Variants in TRPC3 observed in about 807,000 individuals in gnomAD.
The protein encoded by TRPC3 is transient receptor potential cation channel subfamily C member 3.
In TRPC3, 54 loss-of-function variants were observed where a neutral mutation model predicts 90.9. The ratio of observed to expected loss-of-function variants is 0.59; its 90% CI spans 0.48 to 0.75. The LOEUF (loss-of-function observed/expected upper bound fraction) is 0.75. Ranked by LOEUF, TRPC3 falls within the 30% of genes least tolerant of loss-of-function variation. TRPC3 has a pLI of 0.00. For synonymous variants in TRPC3, 424 were observed against 450.9 expected, an observed-to-expected ratio of 0.94 and a Z score of 0.75; for missense variants, 918 against 1,194.5, an observed-to-expected ratio of 0.77 and a Z score of 3.41.
chr4:121,950,257 G>A (rs1730662867), intron 1 of TRPC3, among the ~76,000 whole-genome samples: 1 of 152,108 alleles, frequency 6.6e-6, no homozygotes, highest in Admixed American at 6.5e-5. Context: ...GCCTGACCAG[G>A]CGCAGACTCT....
rs746558816 is a variant in TRPC3, at chr4:121,933,046, A to G, written c.216-4T>C. ...GGATGGGCTTCCCTCCATGGACCTA[A>G]TCAGTAGCAACGATAAAACAACTGT... is the stretch of plus-strand genomic sequence containing the variant. On this transcript the variant is annotated splice_region_variant and splice_polypyrimidine_tract_variant and intron_variant, in intron 1 of 11. Coordinates refer to ENST00000379645, the MANE Select transcript of TRPC3 (RefSeq NM_001130698.2). 6.4e-7 allele frequency: 1 copy of G among 1,551,762 alleles called. No homozygotes were observed.
chr4:121,884,962 G>C (rs997754939), intron 10 of TRPC3, among the ~76,000 whole-genome samples: 1 of 152,140 alleles, frequency 6.6e-6, no homozygotes, highest in Admixed American at 6.6e-5. Context: ...TTAAATTTAG[G>C]GGACAGTGAA....
chr4:121,921,109 C>G (rs1160047723), intron 3 of TRPC3, among the ~76,000 whole-genome samples: 1 of 152,064 alleles, frequency 6.6e-6, no homozygotes. Context: ...TCTGTAAGGC[C>G]TGTGTTGAAC....
At chr4:121,902,296 C>A (rs1253256354) in intron 9 of TRPC3, among the ~76,000 whole-genome samples, 1 of 152,070 alleles carries the variant, frequency 6.6e-6, no homozygotes, top group African/African-American at 2.4e-5. Flanking sequence ...AAATTATCTT[C>A]TTTGTTAAAC....
chr4:121,911,189 C>G (rs13141092), intron 5 of TRPC3, among the ~76,000 whole-genome samples: 1 of 151,900 alleles, frequency 6.6e-6, no homozygotes, highest in African/African-American at 2.4e-5. Flanking sequence ...CTACTAACTC[C>G]GAAAATGAGA....
chr4:121,925,189 G>A lies in TRPC3; in HGVS notation c.1005C>T (p.Leu335=). The A allele has an allele frequency of 6.2e-7, 1 of 1,611,234 alleles. No individual in the cohort carries two copies. The highest frequency in any genetic ancestry group is 1.7e-5 in the Admixed American group (1 of 59,280). ...EKEFKNDYRK[L]SMQCKDFVVG... The stretch of plus-strand genomic sequence containing the variant: ...CTACAAAGTCTTTGCATTGCATGGA[G>A]AGCTTCCGATAGTCATTCTAAGAAC... Residue 335 remains leucine (L), a synonymous_variant, in exon 3 of 12, where the codon CTC becomes CTT. Coordinates refer to ENST00000379645, the MANE Select transcript of TRPC3 (RefSeq NM_001130698.2).
At chr4:121,880,642 G>A (rs1727911007) in intron 11 of TRPC3, among the ~76,000 whole-genome samples, 1 of 152,092 alleles carries the variant, frequency 6.6e-6, no homozygotes, top group Admixed American at 6.6e-5. Context: ...GCAGTATTTG[G>A]TTAAAAAAGA....
At position 121,914,951 on chromosome 4, in the gene TRPC3, GGA is replaced by G; in HGVS notation, c.1177-9_1177-8del. 9.4e-6 allele frequency: 15 copies of G among 1,588,192 alleles called. No individual in the cohort carries two copies. The highest frequency in any genetic ancestry group is 3.4e-5 in the South Asian group (3 of 88,948). On this transcript the variant is annotated splice_region_variant and splice_polypyrimidine_tract_variant and intron_variant, in intron 3 of 11. Transcript: ENST00000379645. ...AGTTGGGATGAGCCACAAACTATTGGGAGAGAGAGAGTTTGAGAAGGGGAGAG... is the reference window on the plus strand; with the variant it reads ...AGTTGGGATGAGCCACAAACTATTGGGAGAGAGAGTTTGAGAAGGGGAGAG...
chr4:121,929,796 C>T (rs1487819704), intron 2 of TRPC3, among the ~76,000 whole-genome samples: 3 of 151,540 alleles, frequency 2.0e-5, no homozygotes, highest in Admixed American at 1.3e-4. Flanking sequence ...ATATTATAGG[C>T]CATTGATAAG....
At chr4:121,905,449 C>T (rs1728848294) in intron 7 of TRPC3, among the ~76,000 whole-genome samples, 1 of 152,126 alleles carries the variant, frequency 6.6e-6, no homozygotes, top group South Asian at 2.1e-4. Context: ...CTTCCCGATT[C>T]TTCCACCACA....
At chr4:121,903,086 A>T (rs140986767) in intron 8 of TRPC3, 25 bp from the exon 9 acceptor site, 4 of 1,570,146 alleles carry the variant, frequency 2.5e-6, no homozygotes, top group Admixed American at 3.9e-5. Context: ...TAGAAAAAAA[A>T]ACTAATTTTA....
chr4:121,935,583 T>C (rs910969734), intron 1 of TRPC3, among the ~76,000 whole-genome samples: 1 of 152,184 alleles, frequency 6.6e-6, no homozygotes, highest in South Asian at 2.1e-4. Flanking sequence ...TGACTATTAG[T>C]GGTACTGACT....
chr4:121,886,478 T>C (rs147979697), intron 10 of TRPC3, among the ~76,000 whole-genome samples: 1 of 152,312 alleles, frequency 6.6e-6, no homozygotes, highest in East Asian at 1.9e-4. Context: ...TGTGAAAGAT[T>C]ACCATTACAC....
At chr4:121,943,923 G>A (rs1013490490) in intron 1 of TRPC3, among the ~76,000 whole-genome samples, 2 of 150,704 alleles carry the variant, frequency 1.3e-5, no homozygotes, top group African/African-American at 5.0e-5. Context: ...ATTTTTAATA[G>A]GTTTTTTTTT....
chr4:121,941,423 G>A (rs187551564), intron 1 of TRPC3, among the ~76,000 whole-genome samples: 20 of 152,304 alleles, frequency 1.3e-4, no homozygotes, highest in African/African-American at 1.7e-4. Context: ...GATCCTGTGC[G>A]TCAGTTTTGA....
At chr4:121,920,671 T>C (rs1185155950) in intron 3 of TRPC3, among the ~76,000 whole-genome samples, 4 of 152,138 alleles carry the variant, frequency 2.6e-5, no homozygotes, top group African/African-American at 9.7e-5. Flanking sequence ...AGAAGGAAAA[T>C]GGTATTTGTA....
chr4:121,891,320 C>T (rs1376567512), intron 10 of TRPC3, among the ~76,000 whole-genome samples: 1 of 152,134 alleles, frequency 6.6e-6, no homozygotes, highest in Non-Finnish European at 1.5e-5. Flanking sequence ...ACATAGTTCT[C>T]ATAAACTCTT....
chr4:121,917,951 T>C (rs1199539472), intron 3 of TRPC3, among the ~76,000 whole-genome samples: 1 of 152,226 alleles, frequency 6.6e-6, no homozygotes, highest in African/African-American at 2.4e-5. Context: ...ATGGAATTGA[T>C]GGACAAATTT....
chr4:121,946,899 G>T (rs1031698315), intron 1 of TRPC3, among the ~76,000 whole-genome samples: 1 of 152,072 alleles, frequency 6.6e-6, no homozygotes, highest in Non-Finnish European at 1.5e-5. Flanking sequence ...AGGCCTCAAG[G>T]CTGGGTGGTG....
Sources: gnomAD v4.1 joint callset for allele counts (sites outside exome capture counted in the v4.1 genomes callset) on GRCh38, gnomAD v4.1.1 for gene constraint, MANE v1.5 for transcripts, NCBI Gene and HGNC (gene_info 2026-07-23, HGNC 2026-07-21) for gene names.